RYR3: variants seen among roughly 807,000 people sequenced by gnomAD.
RYR3 encodes ryanodine receptor 3.
RYR3 carries 207 observed loss-of-function variants against 584.3 expected under a neutral mutation model. The ratio of observed to expected loss-of-function variants is 0.35; its 90% CI spans 0.32 to 0.40. RYR3 has a LOEUF of 0.40. Among genes scored for constraint, RYR3 ranks in the 10% least tolerant of loss-of-function variants. The pLI is 1.00. For synonymous variants in RYR3, 2,416 were observed against 2,248.5 expected, an observed-to-expected ratio of 1.07 and a Z score of -2.11; for missense variants, 5,616 against 6,089.2, an observed-to-expected ratio of 0.92 and a Z score of 2.59.
At chr15:33,482,092 A>G (rs904350920) in intron 2 of RYR3, among the ~76,000 whole-genome samples, 1 of 152,002 alleles carries the variant, frequency 6.6e-6, no homozygotes, top group African/African-American at 2.4e-5. Flanking sequence ...CTTCAACCTG[A>G]AGGATATTCC....
rs750685399 is a variant in RYR3, at chr15:33,473,567, C to A, written c.171+29C>A. On this transcript the variant is annotated intron_variant, in intron 2 of 103. Coordinates refer to ENST00000634891, the MANE Select transcript of RYR3 (RefSeq NM_001036.6). ...AGATTGGCTGTCCGCCCTACACCTTCTTCCACCTTGGCGTCTGACAAAGTC... is the reference window on the plus strand; with the variant it reads ...AGATTGGCTGTCCGCCCTACACCTTATTCCACCTTGGCGTCTGACAAAGTC... 17 of 1,610,958 alleles carry A rather than the reference C, an allele frequency of 1.1e-5. No homozygotes were observed. In the South Asian group the frequency reaches 1.3e-4, roughly 13 times the overall value.
At chr15:33,342,291 G>T (rs1203167090) in intron 1 of RYR3, among the ~76,000 whole-genome samples, 1 of 152,168 alleles carries the variant, frequency 6.6e-6, no homozygotes, top group Admixed American at 6.5e-5. Flanking sequence ...CATTGCCTTA[G>T]TGCTCAATTT....
At chr15:33,383,942 G>A (rs1015948757) in intron 1 of RYR3, among the ~76,000 whole-genome samples, 2 of 152,186 alleles carry the variant, frequency 1.3e-5, no homozygotes, top group African/African-American at 2.4e-5. Context: ...AAAAAAGCAC[G>A]AAATTATGTC....
At chr15:33,358,733 A>C (rs1355577903) in intron 1 of RYR3, among the ~76,000 whole-genome samples, 1 of 151,930 alleles carries the variant, frequency 6.6e-6, no homozygotes, top group Non-Finnish European at 1.5e-5. Context: ...TGCAGTACCT[A>C]GCGCCTTAGC....
chr15:33,529,209 C>T (rs1022429936), intron 3 of RYR3, among the ~76,000 whole-genome samples: 6 of 152,192 alleles, frequency 3.9e-5, no homozygotes, highest in African/African-American at 1.4e-4. Context: ...GCCTGGAGAA[C>T]ACTTAAATAA....
chr15:33,765,157 G>A (rs941476645), intron 60 of RYR3, among the ~76,000 whole-genome samples: 4 of 151,864 alleles, frequency 2.6e-5, no homozygotes, highest in Non-Finnish European at 4.4e-5. Flanking sequence ...AAAGCACCAG[G>A]CTTCCTACTC....
rs2061186904 is a variant in RYR3, at chr15:33,629,984, T to C, written c.2724T>C (p.Phe908=). ...GACAACACCCTTGCCTTGTGGAGTTTTCAAAGCTCCCAGAAACTGAGAAGA... is the reference window on the plus strand; with the variant it reads ...GACAACACCCTTGCCTTGTGGAGTTCTCAAAGCTCCCAGAAACTGAGAAGA... The part of the protein sequence containing the change: ...NKRQHPCLVE[F]SKLPETEKNY... The change falls in exon 22 of 104, where the codon TTT becomes TTC. Residue 908 remains phenylalanine, a synonymous_variant. Coordinates refer to ENST00000634891, the MANE Select transcript of RYR3 (RefSeq NM_001036.6). 6.2e-7 allele frequency: 1 copy of C among 1,607,772 alleles called. No homozygotes were observed. Among genetic ancestry groups the C allele is most frequent in the South Asian group, 1.1e-5 (1 of 89,004 alleles).
At chr15:33,710,002 G>A (rs751576008) in intron 43 of RYR3, among the ~76,000 whole-genome samples, 1 of 152,198 alleles carries the variant, frequency 6.6e-6, no homozygotes, top group Non-Finnish European at 1.5e-5. Context: ...ACTCAGGTTA[G>A]AATAATGAGT....
rs1390877663 is a variant in RYR3, at chr15:33,660,344, G to C, written c.4543G>C (p.Val1515Leu). 3 of 1,592,468 alleles carry C rather than the reference G, an allele frequency of 1.9e-6. No individual in the cohort carries two copies. Among genetic ancestry groups the C allele is most frequent in the East Asian group, 2.3e-5 (1 of 43,748 alleles). Residue 1515 changes from valine (V) to leucine (L), a missense_variant, in exon 34 of 104, where the codon GTG becomes CTG. By Grantham distance (32) the Val-to-Leu change is conservative (BLOSUM62 1). This residue lies in a region of RYR3 where 753 missense variants were observed against 741.0 expected (regional missense o/e 1.02). Transcript: ENST00000634891. ...NSFLKVETERVSERHGWVVQC... is the reference protein window; with the variant it reads ...NSFLKVETERLSERHGWVVQC... Reference sequence around the variant, plus strand: ...CTTCCTGAAGGTGGAGACCGAGCGTGTGAGCGAGCGCCACGGCTGGGTGGT... The same window carrying C: ...CTTCCTGAAGGTGGAGACCGAGCGTCTGAGCGAGCGCCACGGCTGGGTGGT...
At chr15:33,506,322 C>T (rs142062842) in intron 3 of RYR3, among the ~76,000 whole-genome samples, 55 of 152,272 alleles carry the variant, frequency 3.6e-4, no homozygotes, top group African/African-American at 1.3e-3. Context: ...TAAGTTACAA[C>T]ATGTAGAAAC....
chr15:33,370,403 C>T (rs1246494444), intron 1 of RYR3, among the ~76,000 whole-genome samples: 1 of 152,162 alleles, frequency 6.6e-6, no homozygotes, highest in African/African-American at 2.4e-5. Context: ...GATACTTTTA[C>T]TGGCACAGAA....
chr15:33,773,225 G>A (rs893744130), intron 63 of RYR3, among the ~76,000 whole-genome samples: 1 of 152,202 alleles, frequency 6.6e-6, no homozygotes, highest in African/African-American at 2.4e-5. Flanking sequence ...TATTGGAAAC[G>A]AACCAAATCG....
rs1595596901 is a variant in RYR3, at chr15:33,561,140, A to G, written c.973-1697A>G. Among the ~76,000 whole-genome samples the G allele has an allele frequency of 2.0e-5, 3 of 152,386 alleles. 1 individual carries two copies. Among genetic ancestry groups the G allele is most frequent in the South Asian group, 4.1e-4 (2 of 4,832 alleles). Reference sequence around the variant, plus strand: ...TTCTCTCAATATATGTCTATTAAGTAATTGATAGGTGTTGAACTTTCTGTT... The same window carrying G: ...TTCTCTCAATATATGTCTATTAAGTGATTGATAGGTGTTGAACTTTCTGTT... On this transcript the variant is annotated intron_variant, in intron 10 of 103. Coordinates refer to ENST00000634891, the MANE Select transcript of RYR3 (RefSeq NM_001036.6).
chr15:33,482,982 C>G (rs1000434432), intron 2 of RYR3, among the ~76,000 whole-genome samples: 1 of 152,050 alleles, frequency 6.6e-6, no homozygotes, highest in Non-Finnish European at 1.5e-5. Context: ...ATTTTTTTAT[C>G]TATGCATCTG....
chr15:33,324,985 C>G (rs16969362), intron 1 of RYR3, among the ~76,000 whole-genome samples: 13,325 of 152,138 alleles, frequency 0.088, 1,071 homozygotes, highest in African/African-American at 0.21. Context: ...ATTCTCAGGA[C>G]TAAACACACA....
At chr15:33,748,043 C>A (rs1202141740) in intron 53 of RYR3, 71 bp from the exon 54 acceptor site, 2 of 1,467,544 alleles carry the variant, frequency 1.4e-6, no homozygotes, top group Non-Finnish European at 1.9e-6. Context: ...ATGCACCTTC[C>A]ATGCGGAGAT....
chr15:33,314,214 A>G (rs150855787), intron 1 of RYR3, among the ~76,000 whole-genome samples: 10 of 152,274 alleles, frequency 6.6e-5, no homozygotes, highest in African/African-American at 2.4e-4. Flanking sequence ...GCCAGTTAGA[A>G]TCAGGCAGAT....
chr15:33,529,165 T>C (rs1242103224), intron 3 of RYR3, among the ~76,000 whole-genome samples: 1 of 152,232 alleles, frequency 6.6e-6, no homozygotes, highest in Non-Finnish European at 1.5e-5. Context: ...TTTAAAATAT[T>C]GTGAAGAGCA....
At chr15:33,480,898 G>A (rs996254001) in intron 2 of RYR3, among the ~76,000 whole-genome samples, 9 of 152,182 alleles carry the variant, frequency 5.9e-5, no homozygotes, top group Non-Finnish European at 1.2e-4. Flanking sequence ...TTACTGAAAT[G>A]TGTCTGCTGT....
Sources: gnomAD v4.1 joint callset for allele counts (sites outside exome capture counted in the v4.1 genomes callset) on GRCh38, gnomAD v4.1.1 for gene constraint, gnomAD v4.1.1 regional missense constraint, MANE v1.5 for transcripts, NCBI Gene and HGNC (gene_info 2026-07-23, HGNC 2026-07-21) for gene names.